Variants in LAMA4 observed in about 807,000 individuals in gnomAD.
The protein encoded by LAMA4 is laminin subunit alpha-4.
Under a neutral mutation model 207.1 loss-of-function variants are expected in LAMA4, and 127 were observed. The ratio of observed to expected loss-of-function variants is 0.61; its 90% CI spans 0.53 to 0.71. The LOEUF is 0.71. Among genes scored for constraint, LAMA4 ranks in the 30% least tolerant of loss-of-function variants. The pLI is 0.00. For synonymous variants in LAMA4, 761 were observed against 816.0 expected, an observed-to-expected ratio of 0.93 and a Z score of 1.15; for missense variants, 2,093 against 2,246.5, an observed-to-expected ratio of 0.93 and a Z score of 1.38.
intron 10 of LAMA4, among the ~76,000 whole-genome samples, chr6:112,176,267 C>G (rs1482036817): frequency 2.6e-5 from 4 of 152,152 alleles, no homozygotes; most frequent in Non-Finnish European, 5.9e-5. Flanking sequence ...GTCTTTGAAT[C>G]CCTCATTCCT....
chr6:112,147,951 A>T (rs1780132779), intron 18 of LAMA4, among the ~76,000 whole-genome samples: 1 of 152,248 alleles, frequency 6.6e-6, no homozygotes, highest in African/African-American at 2.4e-5. Flanking sequence ...TTCATACGAA[A>T]TATATGTATG....
chr6:112,121,949 G>T, intron 32 of LAMA4, 65 bp downstream of exon 32: 1 of 1,427,242 alleles, frequency 7.0e-7, no homozygotes, highest in Non-Finnish European at 9.9e-7. Flanking sequence ...ACGATGACAT[G>T]TGACAAACAA....
chr6:112,133,290 G>A (rs1412444403), intron 27 of LAMA4, 59 bp downstream of exon 27: 1 of 1,586,670 alleles, frequency 6.3e-7, no homozygotes, highest in Non-Finnish European at 8.6e-7. Flanking sequence ...AACTTTTCCA[G>A]CTTTTGAGAG....
chr6:112,111,119 T>C (rs1777667547), intron 38 of LAMA4, among the ~76,000 whole-genome samples: 1 of 152,164 alleles, frequency 6.6e-6, no homozygotes, highest in Non-Finnish European at 1.5e-5. Context: ...GTGCTCACTA[T>C]AGTCTCCAGT....
chr6:112,112,909 A>G (rs1284253010), intron 38 of LAMA4, among the ~76,000 whole-genome samples: 2 of 152,190 alleles, frequency 1.3e-5, no homozygotes, highest in Non-Finnish European at 2.9e-5. Flanking sequence ...CCACCAAGCC[A>G]AGCACAGAAA....
rs548609269 is a variant in LAMA4 at position 112,135,436 on chromosome 6, C to T, written c.3414+687G>A. On this transcript the variant is annotated intron_variant, in intron 25 of 38. Transcript: ENST00000230538. ...TAGTCAGAGAAATAGTTAAAATATTCTTTTATTGTAAACCATTCTCATGAG... is the reference window on the plus strand; with the variant it reads ...TAGTCAGAGAAATAGTTAAAATATTTTTTTATTGTAAACCATTCTCATGAG... Among the ~76,000 whole-genome samples the T allele has an allele frequency of 1.2e-3, 182 of 152,256 alleles. 2 individuals carry two copies. Among genetic ancestry groups the T allele is most frequent in the Non-Finnish European group, 2.1e-3 (144 of 68,020 alleles).
intron 26 of LAMA4, among the ~76,000 whole-genome samples, chr6:112,133,735 C>G (rs1249753397): frequency 1.3e-5 from 2 of 152,128 alleles, no homozygotes; most frequent in Non-Finnish European, 2.9e-5. Context: ...CTCATTTTAT[C>G]TTTATAACAA....
Position 112,119,727 on chromosome 6 carries a change from T to C in LAMA4, c.4666-416A>G, listed in dbSNP as rs185326623. 5.5e-3 allele frequency among the ~76,000 whole-genome samples: 831 copies of C among 152,298 alleles called. 7 individuals are homozygous for C. Among genetic ancestry groups the C allele is most frequent in the African/African-American group, 0.019 (794 of 41,572 alleles). On this transcript the variant is annotated intron_variant, in intron 33 of 38. Transcript: ENST00000230538. ...GCTTAATTTCTGAATATAGCTTATG[T>C]TTTTCCATGTTCTCTATGAAGCTTT...
At chr6:112,191,279 G>T (rs1554348931) in intron 6 of LAMA4, among the ~76,000 whole-genome samples, 1 of 151,964 alleles carries the variant, frequency 6.6e-6, no homozygotes, top group Non-Finnish European at 1.5e-5. Context: ...ACCATGCCTG[G>T]CCTGAACCAT....
In LAMA4 at chr6:112,221,612, T is replaced by C. The variant is rs566526607; in HGVS notation, c.196-5143A>G. Among the ~76,000 whole-genome samples the C allele has an allele frequency of 3.9e-5, 6 of 152,298 alleles. No individual in the cohort carries two copies. The South Asian group carries it at 1.2e-3, about 32-fold the overall frequency. ...CTTTTCTCTTGTTTCCAGACAACAA[T>C]GATTTTTAGTTCCAGTTTAGTTATA... On this transcript the variant is annotated intron_variant, in intron 2 of 38. Coordinates refer to ENST00000230538, the MANE Select transcript of LAMA4 (RefSeq NM_001105206.3).
intron 31 of LAMA4, among the ~76,000 whole-genome samples, chr6:112,126,762 A>T (rs1429839756): frequency 6.6e-6 from 1 of 152,238 alleles, no homozygotes; most frequent in Non-Finnish European, 1.5e-5. Flanking sequence ...CCTCACTAGC[A>T]TTCAAAGAAA....
intron 12 of LAMA4, among the ~76,000 whole-genome samples, chr6:112,168,555 G>A (rs1440839471): frequency 6.6e-6 from 1 of 151,758 alleles, no homozygotes; most frequent in African/African-American, 2.4e-5. Flanking sequence ...CATGTTGACT[G>A]GGCTGATCTT....
intron 33 of LAMA4, 110 bp downstream of exon 33, chr6:112,120,173 C>T: frequency 1.1e-6 from 1 of 874,398 alleles, no homozygotes; most frequent in South Asian, 1.6e-5. Context: ...GAGTGTGCAG[C>T]AGCAGAATTT....
At chr6:112,116,712 T>C (rs1436123112) in intron 35 of LAMA4, among the ~76,000 whole-genome samples, 1 of 152,202 alleles carries the variant, frequency 6.6e-6, no homozygotes, top group Admixed American at 6.5e-5. Context: ...ATAATGTTCA[T>C]TTAATGTATC....
At chr6:112,148,939 T>C (rs1780201472) in intron 17 of LAMA4, among the ~76,000 whole-genome samples, 1 of 136,414 alleles carries the variant, frequency 7.3e-6, no homozygotes, top group South Asian at 2.3e-4. Context: ...TTAGGTGACT[T>C]TATAACTTCA....
At chr6:112,210,169 T>G (rs1784285409) in intron 3 of LAMA4, among the ~76,000 whole-genome samples, 1 of 151,734 alleles carries the variant, frequency 6.6e-6, no homozygotes, top group African/African-American at 2.4e-5. Flanking sequence ...CAATTATGCC[T>G]CTTTTCTTTA....
intron 32 of LAMA4, 136 bp from the exon 33 acceptor site, chr6:112,120,608 C>A: frequency 1.4e-6 from 1 of 696,552 alleles, no homozygotes. Context: ...TTATTCCACA[C>A]TTAGTATTAT....
chr6:112,150,165 A>T (rs1479906696), intron 17 of LAMA4, among the ~76,000 whole-genome samples: 2 of 151,610 alleles, frequency 1.3e-5, no homozygotes, highest in Non-Finnish European at 2.9e-5. Context: ...TAAGAAAGCC[A>T]TTACCAAACA....
At chr6:112,139,034 C>G in intron 24 of LAMA4, 86 bp downstream of exon 24, 1 of 1,324,340 alleles carries the variant, frequency 7.6e-7, no homozygotes, top group Non-Finnish European at 1.1e-6. Flanking sequence ...GCATGACACA[C>G]TAGACCTGGG....
Sources: gnomAD v4.1 joint callset for allele counts (sites outside exome capture counted in the v4.1 genomes callset) on GRCh38, gnomAD v4.1.1 for gene constraint, MANE v1.5 for transcripts, NCBI Gene and HGNC (gene_info 2026-07-23, HGNC 2026-07-21) for gene names.